The following DENND3 variants were observed in gnomAD, a reference collection of about 807,000 sequenced individuals.
DENND3 encodes DENN domain-containing protein 3.
In DENND3, 88 loss-of-function variants were observed where a neutral mutation model predicts 135.1. That is an observed-to-expected ratio of 0.65 (90% confidence interval 0.55 to 0.78). The LOEUF (loss-of-function observed/expected upper bound fraction) is 0.78, where lower values mean the gene tolerates loss of function less well. Ranked by LOEUF, DENND3 falls within the 30% of genes least tolerant of loss-of-function variation. DENND3 has a pLI of 0.00. For synonymous variants in DENND3, 693 were observed against 712.3 expected (o/e 0.97, Z 0.43); for missense variants, 1,392 against 1,688.4 (o/e 0.82, Z 3.08).
At chr8:141,181,841 T>C (rs1431419625) in intron 17 of DENND3, among the ~76,000 whole-genome samples, 1 of 152,106 alleles carries the variant, frequency 6.6e-6, no homozygotes, top group East Asian at 1.9e-4. Flanking sequence ...GGTGCAATCA[T>C]GGCTCATTGC....
chr8:141,160,225 C>T (rs1362423704), intron 8 of DENND3, among the ~76,000 whole-genome samples: 2 of 147,558 alleles, frequency 1.4e-5, no homozygotes, highest in Non-Finnish European at 3.0e-5. Context: ...GTTGCCTAGG[C>T]TAGAGTGCAG....
rs557733024 is a variant in DENND3, at chr8:141,129,975, G to A, written c.102+1166G>A. On this transcript the variant is annotated intron_variant, in intron 1 of 22. Transcript: ENST00000519811. ...ACGCCCTGTCATGTCAGTAGATCCC[G>A]TTTGACCTCTGTCTCCTCGCAACGT... The A allele has an allele frequency of 2.0e-5, 3 of 152,310 alleles. No homozygotes were observed. The South Asian group carries it at 6.2e-4, about 32-fold the overall frequency. The allele number at this position is 152,310 out of a possible 1,614,324, so 9.4% of individuals were successfully genotyped here. A position where few individuals can be genotyped will look rare whatever the true frequency, so the allele number is the denominator to read the frequency against.
intron 7 of DENND3, among the ~76,000 whole-genome samples, chr8:141,153,178 A>G (rs576968536): frequency 1.1e-4 from 16 of 149,650 alleles, no homozygotes; most frequent in African/African-American, 3.7e-4. Context: ...ATGGCAACCA[A>G]TGCCTCCCGG....
At chr8:141,156,732 G>A (rs1819485649) in intron 8 of DENND3, among the ~76,000 whole-genome samples, 1 of 150,674 alleles carries the variant, frequency 6.6e-6, no homozygotes, top group Non-Finnish European at 1.5e-5. Context: ...CGAGCTAGAA[G>A]TTGTCCATTT....
Position 141,166,907 on chromosome 8 carries a change from C to A in DENND3, c.1753+518C>A, listed in dbSNP as rs1378814725. Among the ~76,000 whole-genome samples, 1 of 151,980 alleles carries A rather than the reference C, an allele frequency of 6.6e-6. No homozygotes were observed. Among genetic ancestry groups the A allele is most frequent in the East Asian group, 1.9e-4 (1 of 5,200 alleles). On this transcript the variant is annotated intron_variant, in intron 12 of 22. Coordinates refer to ENST00000519811, the MANE Select transcript of DENND3 (RefSeq NM_001352890.3). This position sits in a 1 kb window ranked among gnomAD's most constrained non-coding sequence, Gnocchi z 4.3. ...GACTGCATGGAGAGGCCAAGCCCAGCCTCGCGCCTTCTTGGGGAGGTACGT... is the reference window on the plus strand; with the variant it reads ...GACTGCATGGAGAGGCCAAGCCCAGACTCGCGCCTTCTTGGGGAGGTACGT...
chr8:141,180,764 G>C lies in DENND3; in HGVS notation c.2854G>C (p.Glu952Gln), dbSNP rs1822992222. 6.2e-7 allele frequency: 1 copy of C among 1,613,106 alleles called. No homozygotes were observed. The highest frequency in any genetic ancestry group is 8.5e-7 in the Non-Finnish European group (1 of 1,179,476). ...TCTTTCAGTGCCCATGACGCTTCCG[G>C]AGACAACCCTGGAAACACTGAAGCA... Reference protein sequence around the residue: ...MSNEMPMTLPETTLETLKHKI... With the variant: ...MSNEMPMTLPQTTLETLKHKI... Residue 952 changes from glutamate to glutamine, a missense_variant, in exon 17 of 23, where the codon GAG (glutamate) becomes CAG (glutamine). Glu to Gln is a conservative substitution (Grantham distance 29, BLOSUM62 2). Coordinates refer to ENST00000519811, the MANE Select transcript of DENND3 (RefSeq NM_001352890.3).
Position 141,188,965 on chromosome 8 carries a change from G to C in DENND3, c.3085-21G>C, listed in dbSNP as rs369489966. The C allele has an allele frequency of 1.8e-5, 29 of 1,606,050 alleles. 1 individual carries two copies. In the East Asian group the frequency reaches 4.7e-4, roughly 26 times the overall value. On this transcript the variant is annotated intron_variant, in intron 18 of 22. Coordinates refer to ENST00000519811, the MANE Select transcript of DENND3 (RefSeq NM_001352890.3). ...GTATCGAGACTGACTGATTTCTCAC[G>C]TTCCCGTGGCCTCCTGTTAGAACTG...
Position 141,174,643 on chromosome 8 carries a change from C to T in DENND3, c.2276-557C>T, listed in dbSNP as rs373313829. ...TGGGAAGGTTACTGCTTCTCATCAG[C>T]GGAGGTGATTTCAGTTGCAGACAAC... is the stretch of plus-strand genomic sequence containing the variant. On this transcript the variant is annotated intron_variant, in intron 13 of 22. Transcript: ENST00000519811. This position sits in a 1 kb window ranked among gnomAD's most constrained non-coding sequence, Gnocchi z 4.6. 1.1e-3 allele frequency among the ~76,000 whole-genome samples: 166 copies of T among 152,218 alleles called. No individual in the cohort carries two copies. Among genetic ancestry groups the T allele is most frequent in the African/African-American group, 3.7e-3 (155 of 41,530 alleles).
intron 5 of DENND3, among the ~76,000 whole-genome samples, chr8:141,149,397 G>A (rs765987691): frequency 1.3e-5 from 2 of 152,306 alleles, no homozygotes; most frequent in Middle Eastern, 3.4e-3. Context: ...AGTTCCTATG[G>A]CATACTACTG....
chr8:141,190,594 T>C (rs933245798), intron 20 of DENND3, 177 bp downstream of exon 20: 5 of 994,912 alleles, frequency 5.0e-6, no homozygotes, highest in Non-Finnish European at 6.9e-6. Context: ...CTGCTGCTCC[T>C]GGGGGCTCCC....
intron 1 of DENND3, among the ~76,000 whole-genome samples, chr8:141,136,130 G>A (rs942515824): frequency 5.3e-5 from 8 of 152,170 alleles, no homozygotes; most frequent in Non-Finnish European, 8.8e-5. Flanking sequence ...CCCTGTACTC[G>A]CCGCTTAAAG....
At position 141,167,534 on chromosome 8, in the gene DENND3, G is replaced by A. The variant is rs375337945; in HGVS notation, c.1754-470G>A. Among the ~76,000 whole-genome samples the A allele has an allele frequency of 2.0e-5, 3 of 152,144 alleles. No individual in the cohort carries two copies. The highest frequency in any genetic ancestry group is 2.1e-4 in the South Asian group (1 of 4,824). On this transcript the variant is annotated intron_variant, in intron 12 of 22. Transcript: ENST00000519811. This position sits in a 1 kb window ranked among gnomAD's most constrained non-coding sequence, Gnocchi z 4.1. ...TGAAGTGTGGCTCAGGCACTTAGTC[G>A]CTGTGTACCTGGGACAAGTAACCCA... is the stretch of plus-strand genomic sequence containing the variant.
chr8:141,176,461 A>T, intron 14 of DENND3, 130 bp from the exon 15 acceptor site: 1 of 1,147,566 alleles, frequency 8.7e-7, no homozygotes, highest in Non-Finnish European at 1.3e-6. Flanking sequence ...CCTGCCTTCC[A>T]CATGCCAGCA....
At position 141,178,051 on chromosome 8, in the gene DENND3, C is replaced by T. The variant is rs370604383; in HGVS notation, c.2707-16C>T. ...GTGATTCTTGCTGTTTTGAAACGCA[C>T]GTGTTTCTGTTGTAGGACCCTCACT... On this transcript the variant is annotated splice_polypyrimidine_tract_variant and intron_variant, in intron 15 of 22. Coordinates refer to ENST00000519811, the MANE Select transcript of DENND3 (RefSeq NM_001352890.3). 52 of 1,590,760 alleles carry T rather than the reference C, an allele frequency of 3.3e-5. No homozygotes were observed. The highest frequency in any genetic ancestry group is 3.1e-4 in the African/African-American group (23 of 74,640).
intron 20 of DENND3, among the ~76,000 whole-genome samples, chr8:141,191,074 C>T (rs1824686817): frequency 6.6e-6 from 1 of 152,206 alleles, no homozygotes. Context: ...TAGTAAAGCT[C>T]ACCAAAAAGT....
chr8:141,192,321 C>T lies in DENND3; in HGVS notation c.3380-10C>T, dbSNP rs375715374. ...CTGCCTGGCCCCATCCTAGCTCCTTCCTTCCACAGGCACAGGTAACAGCAT... is the reference window on the plus strand; with the variant it reads ...CTGCCTGGCCCCATCCTAGCTCCTTTCTTCCACAGGCACAGGTAACAGCAT... On this transcript the variant is annotated splice_polypyrimidine_tract_variant and intron_variant, in intron 20 of 22. Coordinates refer to ENST00000519811, the MANE Select transcript of DENND3 (RefSeq NM_001352890.3). The T allele has an allele frequency of 7.4e-6, 12 of 1,613,842 alleles. No homozygotes were observed. Among genetic ancestry groups the T allele is most frequent in the African/African-American group, 2.7e-5 (2 of 75,052 alleles).
At chr8:141,190,629 C>T (rs570873094) in intron 20 of DENND3, 1 of 651,074 alleles carries the variant, frequency 1.5e-6, no homozygotes, top group African/African-American at 1.9e-5. Context: ...CCTTTCTACC[C>T]AGCGGCTGAC....
intron 4 of DENND3, among the ~76,000 whole-genome samples, chr8:141,143,465 C>T (rs953662458): frequency 2.0e-5 from 3 of 152,124 alleles, no homozygotes; most frequent in East Asian, 1.9e-4. Flanking sequence ...GGTGCAGTGC[C>T]GCTATCATAG....
Position 141,146,499 on chromosome 8 carries a change from C to T in DENND3, c.735+2240C>T, listed in dbSNP as rs1339514550. ...ATTTTTTCCTTTAATAGACACCCGT[C>T]AAACGTCTCAAAATGTTTAGTAAAT... On this transcript the variant is annotated intron_variant, in intron 5 of 22. Transcript: ENST00000519811. This position sits in a 1 kb window ranked among gnomAD's most constrained non-coding sequence, Gnocchi z 4.3. 6.6e-6 allele frequency among the ~76,000 whole-genome samples: 1 copy of T among 152,210 alleles called. No homozygotes were observed. Among genetic ancestry groups the T allele is most frequent in the African/African-American group, 2.4e-5 (1 of 41,446 alleles).
Sources: gnomAD v4.1 joint callset for allele counts (sites outside exome capture counted in the v4.1 genomes callset) on GRCh38, gnomAD v4.1.1 for gene constraint, Gnocchi (gnomAD v3.1) non-coding constraint, MANE v1.5 for transcripts, NCBI Gene and HGNC (gene_info 2026-07-23, HGNC 2026-07-21) for gene names.